The following TPP1 variants were observed in gnomAD, a reference collection of about 807,000 sequenced individuals.
The protein encoded by TPP1 is tripeptidyl peptidase 1.
In TPP1, 43 loss-of-function variants were observed where a neutral mutation model predicts 67.6. That is an observed-to-expected ratio of 0.64 (90% CI 0.50 to 0.82). The LOEUF is 0.82. TPP1 is among the 40% of genes least tolerant of loss of function. TPP1 has a pLI of 0.00. For synonymous variants in TPP1, 272 were observed against 281.5 expected (o/e 0.97, Z 0.34); for missense variants, 671 against 710.9 (o/e 0.94, Z 0.64).
chr11:6,619,366 G>A lies in TPP1; in HGVS notation c.17+18C>T. 6.2e-7 allele frequency: 1 copy of A among 1,614,174 alleles called. No homozygotes were observed. Among genetic ancestry groups the A allele is most frequent in the Non-Finnish European group, 8.5e-7 (1 of 1,180,018 alleles). ...CTCCAACGTGATCCCTTTCTCCCGA[G>A]CCCTCTCAATTTCTCACCAGGCTTG... On this transcript the variant is annotated intron_variant, in intron 1 of 12. Coordinates refer to ENST00000299427, the MANE Select transcript of TPP1 (RefSeq NM_000391.4).
chr11:6,618,337 G>C (rs375469311), intron 3 of TPP1: 73 of 366,132 alleles, frequency 2.0e-4, no homozygotes, highest in African/African-American at 1.1e-3. Flanking sequence ...GAAGCAGAGT[G>C]GGGGAGTACA....
At position 6,619,248 on chromosome 11, in the gene TPP1, G is replaced by C; in HGVS notation, c.37C>G (p.Leu13Val). 6.2e-7 allele frequency: 1 copy of C among 1,614,176 alleles called. No homozygotes were observed. The highest frequency in any genetic ancestry group is 8.5e-7 in the Non-Finnish European group (1 of 1,180,026). Reference protein sequence around the residue: ...LQACLLGLFALILSGKCSYSP... With the variant: ...LQACLLGLFAVILSGKCSYSP... ...TAACTGCATTTGCCAGAGAGGATGA[G>C]GGCAAAGAGCCCTAGGAGGCTGTAG... The change falls in exon 2 of 13, where the codon CTC (leucine) becomes GTC (valine). Residue 13 changes from leucine to valine, a missense_variant. By Grantham distance (32) the Leu-to-Val change is conservative (BLOSUM62 1). Coordinates refer to ENST00000299427, the MANE Select transcript of TPP1 (RefSeq NM_000391.4).
At chr11:6,619,311 T>C in intron 1 of TPP1, 44 bp from the exon 2 acceptor site, 1 of 1,614,044 alleles carries the variant, frequency 6.2e-7, no homozygotes, top group Non-Finnish European at 8.5e-7. Context: ...TACGTTGTCC[T>C]TGTGTTCCCA....
rs761998339 is a variant in TPP1, at chr11:6,615,276, A to C, written c.1320T>G (p.Ser440Arg). 2 of 1,614,168 alleles carry C rather than the reference A, an allele frequency of 1.2e-6. No homozygotes were observed. Among genetic ancestry groups the C allele is most frequent in the African/African-American group, 2.7e-5 (2 of 75,024 alleles). ...LSSSPHLPPS[S>R]YFNASGRAYP... ...AGGCACGGCCACTGGCATTGAAGTA[A>C]CTGGATGGTGGCAGGTGGGGGCTAG... Residue 440 changes from serine to arginine, a missense_variant, in exon 11 of 13, where the codon AGT (serine) becomes AGG (arginine). By Grantham distance (110) the Ser-to-Arg change is moderately radical. Transcript: ENST00000299427.
rs1855538902 is a variant in TPP1, at chr11:6,614,130, G to C, written c.*416C>G. 6 of 234,530 alleles carry C rather than the reference G, an allele frequency of 2.6e-5. No individual in the cohort carries two copies. In the South Asian group the frequency reaches 3.6e-4, roughly 14 times the overall value. 14.5% of individuals were successfully genotyped at this position (234,530 alleles called of 1,614,324 possible). On this transcript the variant is annotated 3_prime_UTR_variant, in exon 13 of 13. Coordinates refer to ENST00000299427, the MANE Select transcript of TPP1 (RefSeq NM_000391.4). ...AGCAAAGATTGAGAAGTATGCACTG[G>C]AGGCCATTGTTTCTGGATGTCAGGG...
In TPP1 at chr11:6,614,379, T is replaced by C. The variant is rs780382042; in HGVS notation, c.*167A>G. ...GAGACCTGAGTATGATGGAGCATGG[T>C]AGGGTTGGGAGTCAAGTCAAGCTCA... On this transcript the variant is annotated 3_prime_UTR_variant, in exon 13 of 13. Transcript: ENST00000299427. The C allele has an allele frequency of 2.6e-5, 22 of 857,014 alleles. No homozygotes were observed. Among genetic ancestry groups the C allele is most frequent in the Non-Finnish European group, 3.9e-5 (21 of 545,204 alleles). 53.1% of individuals were successfully genotyped at this position (857,014 alleles called of 1,614,324 possible).
rs1855531015 is a variant in TPP1 at position 6,613,664 on chromosome 11, T to C, written c.*882A>G. 1 of 152,646 alleles carries C rather than the reference T, an allele frequency of 6.6e-6. No homozygotes were observed. The highest frequency in any genetic ancestry group is 2.1e-4 in the South Asian group (1 of 4,830). The allele number at this position is 152,646 out of a possible 1,614,324, so 9.5% of individuals were successfully genotyped here. ...AAGGACTTGTGGACTGATAAAGATA[T>C]ATTTAAGATGTGCAGTCAGTAGGAC... On this transcript the variant is annotated 3_prime_UTR_variant, in exon 13 of 13. Transcript: ENST00000299427.
intron 9 of TPP1, 115 bp from the exon 10 acceptor site, chr11:6,615,677 G>T: frequency 1.5e-6 from 2 of 1,343,320 alleles, no homozygotes; most frequent in South Asian, 1.2e-5. Context: ...CTGTGGGGAA[G>T]CATGTATATG....
rs1334167217 is a variant in TPP1, at chr11:6,617,089, T to C, written c.573A>G (p.Thr191=). The C allele has an allele frequency of 6.2e-7, 1 of 1,614,148 alleles. No homozygotes were observed. The highest frequency in any genetic ancestry group is 1.7e-5 in the Admixed American group (1 of 60,026). ...SLRQRPEPQV[T]GTVGLHLGVT... ...CCCCCAGATGCAGGCCTACAGTCCC[T>C]GTCACCTGCGGCTCAGGACGTTGCC... The change falls in exon 6 of 13, where the codon ACA becomes ACG. Residue 191 remains threonine, a synonymous_variant. Coordinates refer to ENST00000299427, the MANE Select transcript of TPP1 (RefSeq NM_000391.4).
Position 6,617,386 on chromosome 11 carries a change from A to G in TPP1, c.423T>C (p.Tyr141=). The change falls in exon 5 of 13, where the codon TAT becomes TAC. Residue 141 remains tyrosine, a synonymous_variant. Coordinates refer to ENST00000299427, the MANE Select transcript of TPP1 (RefSeq NM_000391.4). The part of the protein sequence containing the change: ...LLLPGAEFHH[Y]VGGPTETHVV... Reference sequence around the variant, plus strand: ...CATGGGTTTCCGTAGGTCCTCCCACATAGTGATGAAACTCAGCCCCAGGGA... The same window carrying G: ...CATGGGTTTCCGTAGGTCCTCCCACGTAGTGATGAAACTCAGCCCCAGGGA... 1.2e-6 allele frequency: 2 copies of G among 1,614,178 alleles called. No individual in the cohort carries two copies. Among genetic ancestry groups the G allele is most frequent in the Non-Finnish European group, 1.7e-6 (2 of 1,180,026 alleles).
intron 4 of TPP1, 65 bp from the exon 5 acceptor site, chr11:6,617,493 C>G: frequency 6.2e-7 from 1 of 1,613,684 alleles, no homozygotes; most frequent in Non-Finnish European, 8.5e-7. Flanking sequence ...CTCTGAGCAT[C>G]CCTGGGCAGT....
intron 9 of TPP1, 140 bp downstream of exon 9, chr11:6,615,865 C>T: frequency 2.1e-6 from 2 of 970,932 alleles, no homozygotes; most frequent in East Asian, 2.6e-5. Context: ...GAAGAAGAGA[C>T]AGGAGTACAG....
In TPP1 at chr11:6,617,641, CAAGTCAGA is replaced by C; in HGVS notation, c.357_364del (p.Phe119LeufsTer16). ...TTCCTCTCACCGGATGCTCAGCCAGCAAGTCAGAAAGTCCTGTGTGATCACAGAATGGC... is the reference window on the plus strand; with the variant it reads ...TTCCTCTCACCGGATGCTCAGCCAGCAAGTCCTGTGTGATCACAGAATGGC... On this transcript the variant is annotated frameshift_variant, in exon 4 of 13. Coordinates refer to ENST00000299427, the MANE Select transcript of TPP1 (RefSeq NM_000391.4). LOFTEE classifies it high-confidence loss of function. 1 of 1,614,198 alleles carries C rather than the reference CAAGTCAGA, an allele frequency of 6.2e-7. No homozygotes were observed.
intron 9 of TPP1, 175 bp from the exon 10 acceptor site, chr11:6,615,737 T>G (rs1564854602): frequency 1.1e-6 from 1 of 870,472 alleles, no homozygotes; most frequent in South Asian, 1.6e-5. Flanking sequence ...GAGGTGACTG[T>G]GCACACTTTT....
In TPP1 at chr11:6,614,667, T is replaced by A. The variant is rs1481682415; in HGVS notation, c.1571A>T (p.Glu524Val). 6.2e-7 allele frequency: 1 copy of A among 1,614,112 alleles called. No homozygotes were observed. Among genetic ancestry groups the A allele is most frequent in the African/African-American group, 1.3e-5 (1 of 75,018 alleles). ...GLFDVTRGCH[E>V]SCLDEEVEGQ... ...CTCTACCTCTTCATCCAGACAGGAC[T>A]CATGGCAGCCACGGGTTACCTAGGG... Residue 524 changes from glutamate to valine, a missense_variant, in exon 13 of 13, where the codon GAG becomes GTG. Glu to Val is a moderately radical substitution (Grantham distance 121, BLOSUM62 -2). Coordinates refer to ENST00000299427, the MANE Select transcript of TPP1 (RefSeq NM_000391.4).
At position 6,614,922 on chromosome 11, in the gene TPP1, G is replaced by C. The variant is rs201126448; in HGVS notation, c.1495C>G (p.Pro499Ala). The part of the protein sequence containing the change: ...NEHRILSGRP[P>A]LGFLNPRLYQ... Reference sequence around the variant, plus strand: ...AGCCTTGGGTTGAGAAAGCCAAGAGGGGGGCGGCCACTAAGGATCCTGTGC... The same window carrying C: ...AGCCTTGGGTTGAGAAAGCCAAGAGCGGGGCGGCCACTAAGGATCCTGTGC... Residue 499 changes from proline (P) to alanine (A), a missense_variant, in exon 12 of 13, where the codon CCT becomes GCT. Pro to Ala is a conservative substitution (Grantham distance 27, BLOSUM62 -1). Transcript: ENST00000299427. 1.4e-5 allele frequency: 22 copies of C among 1,614,158 alleles called. No homozygotes were observed. The highest frequency in any genetic ancestry group is 6.7e-5 in the East Asian group (3 of 44,874).
rs537666710 is a variant in TPP1, at chr11:6,618,543, G to A, written c.229+233C>T. 4 of 619,508 alleles carry A rather than the reference G, an allele frequency of 6.5e-6. No individual in the cohort carries two copies. The South Asian group carries it at 7.8e-5, about 12-fold the overall frequency. The allele number at this position is 619,508 out of a possible 1,614,324, so 38.4% of individuals were successfully genotyped here. The stretch of plus-strand genomic sequence containing the variant: ...GGAAATTAGAATGGATTTGAGGGTA[G>A]GGGAAGGAACGTAAGTTGTACTAGA... On this transcript the variant is annotated intron_variant, in intron 3 of 12. Transcript: ENST00000299427.
At chr11:6,615,041 C>T (rs765048622) in intron 11 of TPP1, 50 bp from the exon 12 acceptor site, 3 of 1,613,630 alleles carry the variant, frequency 1.9e-6, no homozygotes, top group Non-Finnish European at 2.5e-6. Context: ...AGTGATTGGA[C>T]TTTTTGGGAG....
chr11:6,615,472 G>A lies in TPP1; in HGVS notation c.1236C>T (p.Phe412=), dbSNP rs1280109809. 6.2e-7 allele frequency: 1 copy of A among 1,614,090 alleles called. No homozygotes were observed. Among genetic ancestry groups the A allele is most frequent in the African/African-American group, 1.3e-5 (1 of 74,914 alleles). ...EIVDYISGGG[F]SNVFPRPSYQ... Reference sequence around the variant, plus strand: ...ATGAAGGCCGTGGGAACACATTGCTGAAGCCACCACCACTGATATAGTCAA... The same window carrying A: ...ATGAAGGCCGTGGGAACACATTGCTAAAGCCACCACCACTGATATAGTCAA... Residue 412 remains phenylalanine (F), a synonymous_variant, in exon 10 of 13, where the codon TTC becomes TTT. Coordinates refer to ENST00000299427, the MANE Select transcript of TPP1 (RefSeq NM_000391.4).
Sources: gnomAD v4.1 joint callset for allele counts on GRCh38, gnomAD v4.1.1 for gene constraint, MANE v1.5 for transcripts, NCBI Gene and HGNC (gene_info 2026-07-23, HGNC 2026-07-21) for gene names.